The following NCAM2 variants were observed in gnomAD, a reference collection of about 807,000 sequenced individuals.
The protein encoded by NCAM2 is N-CAM-2.
In NCAM2, 30 loss-of-function variants were observed where a neutral mutation model predicts 98.1. That is an observed-to-expected ratio of 0.31 (90% CI 0.23 to 0.41). The LOEUF is 0.41. Among genes scored for constraint, NCAM2 ranks in the 10% least tolerant of loss-of-function variants. The pLI is 1.00. For missense variants in NCAM2, 867 were observed against 1,005.8 expected (o/e 0.86, Z 1.87); for synonymous variants, 368 against 342.4 (o/e 1.07, Z -0.83).
intron 1 of NCAM2, among the ~76,000 whole-genome samples, chr21:21,236,595 T>C (rs1046278256): frequency 6.6e-6 from 1 of 152,156 alleles, no homozygotes; most frequent in Non-Finnish European, 1.5e-5. Flanking sequence ...AATAAATACA[T>C]TTTCATTGCA....
At chr21:21,504,886 G>C (rs1351074406) in intron 15 of NCAM2, among the ~76,000 whole-genome samples, 1 of 151,530 alleles carries the variant, frequency 6.6e-6, no homozygotes, top group Non-Finnish European at 1.5e-5. Context: ...AATCAAATTA[G>C]GGAAAATGGT....
rs528442317 is a variant in NCAM2 at position 21,155,173 on chromosome 21, G to A, written c.56-125405G>A. Reference sequence around the variant, plus strand: ...CTGGGGAGGAACTATGATGGATATTGGTCTTATTGTAAGATACTACACTAA... The same window carrying A: ...CTGGGGAGGAACTATGATGGATATTAGTCTTATTGTAAGATACTACACTAA... On this transcript the variant is annotated intron_variant, in intron 1 of 17. Coordinates refer to ENST00000400546, the MANE Select transcript of NCAM2 (RefSeq NM_004540.5). 3.1e-4 allele frequency among the ~76,000 whole-genome samples: 46 copies of A among 150,280 alleles called. 1 individual carries two copies. The South Asian group carries it at 6.2e-3, about 20-fold the overall frequency.
At chr21:21,137,399 G>C (rs781122535) in intron 1 of NCAM2, among the ~76,000 whole-genome samples, 25 of 152,156 alleles carry the variant, frequency 1.6e-4, no homozygotes, top group Non-Finnish European at 3.5e-4. Context: ...ACTTAAACAT[G>C]TTCCTATAAA....
chr21:21,061,568 G>T (rs2065323187), intron 1 of NCAM2, among the ~76,000 whole-genome samples: 2 of 152,030 alleles, frequency 1.3e-5, no homozygotes, highest in Non-Finnish European at 1.5e-5. Context: ...GTTCAGAGAT[G>T]AGTTAAACAG....
At chr21:21,141,385 C>T (rs1454231317) in intron 1 of NCAM2, among the ~76,000 whole-genome samples, 1 of 152,120 alleles carries the variant, frequency 6.6e-6, no homozygotes, top group African/African-American at 2.4e-5. Flanking sequence ...GGAAATGGTT[C>T]TGTTTTAATG....
chr21:21,422,034 C>A (rs2077121327), intron 11 of NCAM2, among the ~76,000 whole-genome samples: 1 of 152,044 alleles, frequency 6.6e-6, no homozygotes, highest in South Asian at 2.1e-4. Flanking sequence ...AGCACAGAAG[C>A]CTGGCATGGG....
At chr21:21,018,266 A>G (rs2146173354) in intron 1 of NCAM2, among the ~76,000 whole-genome samples, 1 of 152,316 alleles carries the variant, frequency 6.6e-6, no homozygotes, top group East Asian at 1.9e-4. Context: ...ATAATTGATG[A>G]TGTTTTCCAT....
intron 12 of NCAM2, among the ~76,000 whole-genome samples, chr21:21,439,548 C>A (rs897825059): frequency 3.3e-5 from 5 of 152,070 alleles, no homozygotes; most frequent in African/African-American, 1.2e-4. Flanking sequence ...TTTTTATATA[C>A]CTTTTTTTCC....
chr21:21,132,806 A>ATT (rs59656462), intron 1 of NCAM2, among the ~76,000 whole-genome samples: 4 of 151,898 alleles, frequency 2.6e-5, no homozygotes, highest in Non-Finnish European at 4.4e-5. Flanking sequence ...CATAATGAAT[A>ATT]TTTTTTAAAA....
intron 15 of NCAM2, among the ~76,000 whole-genome samples, chr21:21,492,357 T>TATG (rs1308154329): frequency 1.3e-5 from 2 of 151,808 alleles, no homozygotes; most frequent in Non-Finnish European, 3.0e-5. Context: ...AAAAAATCCC[T>TATG]ATGTGTCAGA....
intron 1 of NCAM2, among the ~76,000 whole-genome samples, chr21:21,279,153 A>C (rs188714053): frequency 1.3e-5 from 2 of 152,238 alleles, no homozygotes; most frequent in Non-Finnish European, 2.9e-5. Flanking sequence ...TTCCAGGTTG[A>C]AGTTTTCCAA....
intron 15 of NCAM2, among the ~76,000 whole-genome samples, chr21:21,493,577 A>G (rs938920572): frequency 4.6e-5 from 7 of 151,960 alleles, no homozygotes; most frequent in South Asian, 4.1e-4. Context: ...TACAGTTTAC[A>G]TTACGGTGCA....
At chr21:21,304,683 T>G (rs1386275426) in intron 5 of NCAM2, among the ~76,000 whole-genome samples, 1 of 152,142 alleles carries the variant, frequency 6.6e-6, no homozygotes, top group African/African-American at 2.4e-5. Context: ...ACCATAACTT[T>G]GATTAGAATT....
At chr21:21,111,835 G>A (rs2066460675) in intron 1 of NCAM2, among the ~76,000 whole-genome samples, 1 of 152,082 alleles carries the variant, frequency 6.6e-6, no homozygotes, top group African/African-American at 2.4e-5. Context: ...AAAAGACTAG[G>A]AGCTCAAATG....
At chr21:21,466,122 T>G (rs1983647822) in intron 12 of NCAM2, among the ~76,000 whole-genome samples, 1 of 151,948 alleles carries the variant, frequency 6.6e-6, no homozygotes, top group African/African-American at 2.4e-5. Context: ...AATAAACTAT[T>G]TTTGCTGTAT....
intron 5 of NCAM2, among the ~76,000 whole-genome samples, chr21:21,305,124 C>T (rs899147482): frequency 6.6e-6 from 1 of 152,014 alleles, no homozygotes; most frequent in African/African-American, 2.4e-5. Context: ...TCAAGACCAG[C>T]CTGGTCAACA....
intron 15 of NCAM2, among the ~76,000 whole-genome samples, chr21:21,504,889 A>G (rs1421182233): frequency 1.3e-5 from 2 of 151,876 alleles, no homozygotes; most frequent in African/African-American, 4.8e-5. Flanking sequence ...CAAATTAGGG[A>G]AAATGGTGTA....
intron 1 of NCAM2, among the ~76,000 whole-genome samples, chr21:21,062,515 G>T (rs1174576411): frequency 6.6e-6 from 1 of 152,168 alleles, no homozygotes; most frequent in Non-Finnish European, 1.5e-5. Flanking sequence ...GGCACTCAGG[G>T]AACAGGAAGC....
Position 21,477,459 on chromosome 21 carries a change from A to G in NCAM2, c.2065A>G (p.Asn689Asp), listed in dbSNP as rs1985313423. 2 of 1,597,450 alleles carry G rather than the reference A, an allele frequency of 1.3e-6. No individual in the cohort carries two copies. Among genetic ancestry groups the G allele is most frequent in the Admixed American group, 1.7e-5 (1 of 58,982 alleles). ...TGAATTCAGCATGCCACCAAAGCCC[A>G]ACATTATTAAAGGTAAGCAAAACTA... ...VYEFSMPPKP[N>D]IIKDTLFNGL... is the part of the protein sequence containing the mutation. The change falls in exon 15 of 18, where the codon AAC (asparagine) becomes GAC (aspartate). Residue 689 changes from asparagine (N) to aspartate (D), a missense_variant. Physicochemically the swap from Asn to Asp is conservative, Grantham distance 23. This residue lies in a region of NCAM2 where 234 missense variants were observed against 333.8 expected (regional missense o/e 0.70). Coordinates refer to ENST00000400546, the MANE Select transcript of NCAM2 (RefSeq NM_004540.5).
Sources: allele counts gnomAD v4.1 joint callset (sites outside exome capture counted in the v4.1 genomes callset), GRCh38; gene constraint gnomAD v4.1.1; regional missense constraint gnomAD v4.1.1; transcripts MANE v1.5; gene names NCBI Gene and HGNC (gene_info 2026-07-23, HGNC 2026-07-21).